NME7: variants seen among roughly 807,000 people sequenced by gnomAD.
NME7 encodes NME/NM23 family member 7, also known as nucleoside diphosphate kinase 7.
A neutral mutation model predicts 49.1 loss-of-function variants in NME7; 41 were observed. That is an observed-to-expected ratio of 0.83 (90% CI 0.65 to 1.08). The LOEUF (loss-of-function observed/expected upper bound fraction) is 1.08, where lower values mean the gene tolerates loss of function less well. Among genes scored for constraint, NME7 ranks in the 50% least tolerant of loss-of-function variants. The pLI is 0.00. For synonymous variants in NME7, 139 were observed against 150.6 expected (o/e 0.92, Z 0.56); for missense variants, 423 against 463.4 (o/e 0.91, Z 0.80).
Position 169,336,717 on chromosome 1 carries a change from T to G in NME7, c.4-12217A>C, listed in dbSNP as rs1652492020. ...TTCTCCAAGGCCCCACAAGAGCAGC[T>G]AGATACAGAGTGTCCATTGGTGCAA... On this transcript the variant is annotated intron_variant, in intron 1 of 11. Coordinates refer to ENST00000367811, the MANE Select transcript of NME7 (RefSeq NM_013330.5). Among the ~76,000 whole-genome samples, 3 of 151,564 alleles carry G rather than the reference T, an allele frequency of 2.0e-5. No individual in the cohort carries two copies. The South Asian group carries it at 6.2e-4, about 32-fold the overall frequency.
chr1:169,352,050 A>G (rs547536757), intron 1 of NME7, among the ~76,000 whole-genome samples: 1 of 152,168 alleles, frequency 6.6e-6, no homozygotes, highest in South Asian at 2.1e-4. Flanking sequence ...AGGAAGAGGT[A>G]ATATTTCCAA....
chr1:169,355,252 T>TAG (rs1483433707), intron 1 of NME7, among the ~76,000 whole-genome samples: 12 of 24,724 alleles, frequency 4.9e-4, no homozygotes, highest in African/African-American at 7.0e-4. Context: ...TTATATATTA[T>TAG]ATCTATATAT....
intron 10 of NME7, among the ~76,000 whole-genome samples, chr1:169,202,377 C>T (rs1274255315): frequency 1.3e-5 from 2 of 152,160 alleles, no homozygotes; most frequent in Non-Finnish European, 2.9e-5. Flanking sequence ...CTTGCTCCTG[C>T]TTTTGCCATG....
At chr1:169,215,138 A>C (rs1444073609) in intron 10 of NME7, among the ~76,000 whole-genome samples, 1 of 152,138 alleles carries the variant, frequency 6.6e-6, no homozygotes, top group African/African-American at 2.4e-5. Context: ...AGGGGAAGGG[A>C]AGGGCAGATC....
chr1:169,201,340 T>C (rs1462099155), intron 10 of NME7, among the ~76,000 whole-genome samples: 2 of 152,066 alleles, frequency 1.3e-5, no homozygotes, highest in Admixed American at 6.6e-5. Flanking sequence ...TCAGGAGACA[T>C]TGGGAGCCAC....
chr1:169,356,903 A>G (rs965949573), intron 1 of NME7, among the ~76,000 whole-genome samples: 7 of 152,202 alleles, frequency 4.6e-5, no homozygotes, highest in Admixed American at 4.6e-4. Context: ...TGAATGAAAA[A>G]TTGCAGAGAA....
At chr1:169,294,493 A>T (rs967563078) in intron 6 of NME7, among the ~76,000 whole-genome samples, 1 of 152,198 alleles carries the variant, frequency 6.6e-6, no homozygotes, top group Non-Finnish European at 1.5e-5. Flanking sequence ...ATTAGACAAT[A>T]ACTAATAGGA....
intron 1 of NME7, among the ~76,000 whole-genome samples, chr1:169,361,118 A>G (rs1482077947): frequency 6.6e-6 from 1 of 152,238 alleles, no homozygotes; most frequent in Admixed American, 6.5e-5. Flanking sequence ...GTATATGGAA[A>G]GTACTCAATA....
At chr1:169,208,875 C>T (rs1660743078) in intron 10 of NME7, among the ~76,000 whole-genome samples, 1 of 151,986 alleles carries the variant, frequency 6.6e-6, no homozygotes, top group African/African-American at 2.4e-5. Context: ...CATAGATTTA[C>T]AGGTTTGGAA....
intron 10 of NME7, among the ~76,000 whole-genome samples, chr1:169,225,373 T>C (rs1388740036): frequency 6.6e-6 from 1 of 152,162 alleles, no homozygotes; most frequent in Non-Finnish European, 1.5e-5. Flanking sequence ...CCTTCCAAAG[T>C]GCTGGGATAA....
At chr1:169,158,882 T>C (rs1032770393) in intron 11 of NME7, among the ~76,000 whole-genome samples, 3 of 152,204 alleles carry the variant, frequency 2.0e-5, no homozygotes, top group Non-Finnish European at 2.9e-5. Context: ...GCCAGTTCCA[T>C]TGGAAGCCTG....
At chr1:169,242,349 C>T (rs4656669) in intron 7 of NME7, among the ~76,000 whole-genome samples, 36,596 of 151,096 alleles carry the variant, frequency 0.24, 5,446 homozygotes, top group Non-Finnish European at 0.34. Context: ...TATATTGATA[C>T]AGAAAAAAAC....
At chr1:169,258,375 C>CATACATATATATATATATAT (rs1197809299) in intron 7 of NME7, among the ~76,000 whole-genome samples, 1 of 86,770 alleles carries the variant, frequency 1.2e-5, no homozygotes, top group Non-Finnish European at 2.5e-5. Flanking sequence ...TAAAATAAAA[C>CATACATATATATATATATAT]ATATATATAT....
chr1:169,317,135 T>C (rs1384847217), intron 3 of NME7, among the ~76,000 whole-genome samples: 4 of 152,234 alleles, frequency 2.6e-5, no homozygotes, highest in Middle Eastern at 3.4e-3. Flanking sequence ...AAAAAACCTA[T>C]ATGTTATTTA....
chr1:169,229,727 G>A (rs1647514742), intron 10 of NME7, among the ~76,000 whole-genome samples: 1 of 152,186 alleles, frequency 6.6e-6, no homozygotes, highest in African/African-American at 2.4e-5. Flanking sequence ...TTGGGAGGCC[G>A]AGACAGGCTG....
intron 7 of NME7, among the ~76,000 whole-genome samples, chr1:169,278,474 C>T (rs896750964): frequency 2.0e-5 from 3 of 152,112 alleles, no homozygotes; most frequent in Admixed American, 6.6e-5. Context: ...TCCAGTTGAT[C>T]GCATCGACTC....
chr1:169,331,104 A>G, intron 1 of NME7, among the ~76,000 whole-genome samples: 1 of 152,220 alleles, frequency 6.6e-6, no homozygotes, highest in Non-Finnish European at 1.5e-5. Flanking sequence ...TACATTAGAA[A>G]GATCATTCAT....
chr1:169,224,119 C>T lies in NME7; in HGVS notation c.990+6599G>A, dbSNP rs758008169. ...ACAGGCTTCAATATCCTGACCCAGG[C>T]GATGCCTCTCACCTGGATGCCTTGG... On this transcript the variant is annotated intron_variant, in intron 10 of 11. Transcript: ENST00000367811. Among the ~76,000 whole-genome samples, 39 of 152,202 alleles carry T rather than the reference C, an allele frequency of 2.6e-4. 2 individuals carry two copies. The highest frequency in any genetic ancestry group is 2.1e-3 in the Admixed American group (32 of 15,284).
At chr1:169,321,074 T>C (rs930014199) in intron 3 of NME7, among the ~76,000 whole-genome samples, 2 of 152,206 alleles carry the variant, frequency 1.3e-5, no homozygotes, top group East Asian at 3.8e-4. Context: ...TTATGGTTGT[T>C]ATTTTATTTT....
Sources: gnomAD v4.1 joint callset for allele counts (sites outside exome capture counted in the v4.1 genomes callset) on GRCh38, gnomAD v4.1.1 for gene constraint, MANE v1.5 for transcripts, NCBI Gene and HGNC (gene_info 2026-07-23, HGNC 2026-07-21) for gene names.